KLHL1: variants seen among roughly 807,000 people sequenced by gnomAD.
KLHL1 encodes kelch like family member 1.
A neutral mutation model predicts 77.7 loss-of-function variants in KLHL1; 47 were observed. The ratio of observed to expected loss-of-function variants is 0.60; its 90% confidence interval spans 0.48 to 0.77. The LOEUF is 0.77. KLHL1 is among the 30% of genes least tolerant of loss of function. KLHL1 has a pLI of 0.00. For missense variants in KLHL1, 925 were observed against 910.8 expected (o/e 1.02, Z -0.20); for synonymous variants, 360 against 325.2 (o/e 1.11, Z -1.15).
intron 1 of KLHL1, among the ~76,000 whole-genome samples, chr13:70,055,986 T>C (rs1193727274): frequency 6.6e-6 from 1 of 151,766 alleles, no homozygotes; most frequent in Non-Finnish European, 1.5e-5. Flanking sequence ...ATAATAACAT[T>C]AAATATAAAT....
At position 69,735,421 on chromosome 13, in the gene KLHL1, C is replaced by CTTTTT. The variant is rs1452561172; in HGVS notation, c.1802+4972_1802+4973insAAAAA. ...ATATTAAGAAAACAGAAAAAGTTTCCTTACTAGTTTATTAAATGTTTATCT... is the reference window on the plus strand; with the variant it reads ...ATATTAAGAAAACAGAAAAAGTTTCCTTTTTTTACTAGTTTATTAAATGTTTATCT... On this transcript the variant is annotated intron_variant, in intron 8 of 10. Transcript: ENST00000377844. 6.6e-5 allele frequency among the ~76,000 whole-genome samples: 10 copies of CTTTTT among 150,580 alleles called. No homozygotes were observed. The East Asian group carries it at 2.0e-3, about 30-fold the overall frequency.
chr13:69,976,807 A>G (rs1294209110), intron 1 of KLHL1, among the ~76,000 whole-genome samples: 2 of 152,134 alleles, frequency 1.3e-5, no homozygotes, highest in Non-Finnish European at 2.9e-5. Context: ...TTTGCATTCA[A>G]TAGGCTCTAC....
chr13:69,965,812 A>C (rs1593631947), intron 2 of KLHL1, among the ~76,000 whole-genome samples: 1 of 152,182 alleles, frequency 6.6e-6, no homozygotes, highest in Non-Finnish European at 1.5e-5. Context: ...TGGTCTGGGC[A>C]GAAGATGAAA....
At chr13:69,903,163 A>T (rs914438542) in intron 4 of KLHL1, among the ~76,000 whole-genome samples, 1 of 152,168 alleles carries the variant, frequency 6.6e-6, no homozygotes, top group African/African-American at 2.4e-5. Context: ...CATGTACTCT[A>T]AGTTCTCAGA....
intron 1 of KLHL1, among the ~76,000 whole-genome samples, chr13:70,065,956 T>C (rs1886996901): frequency 6.6e-6 from 1 of 152,122 alleles, no homozygotes; most frequent in African/African-American, 2.4e-5. Context: ...GTGAGCTAAA[T>C]TTTGCATTCT....
intron 5 of KLHL1, among the ~76,000 whole-genome samples, chr13:69,840,504 G>A (rs774461342): frequency 1.3e-5 from 2 of 151,934 alleles, no homozygotes; most frequent in Non-Finnish European, 2.9e-5. Flanking sequence ...GATTACAGGT[G>A]TGAGCCACTG....
intron 1 of KLHL1, among the ~76,000 whole-genome samples, chr13:69,991,821 G>A (rs1317314350): frequency 6.6e-6 from 1 of 151,908 alleles, no homozygotes; most frequent in Non-Finnish European, 1.5e-5. Flanking sequence ...TCAAGTGAGA[G>A]CCAGAGATAA....
At chr13:69,968,920 A>T (rs932732495) in intron 2 of KLHL1, among the ~76,000 whole-genome samples, 2 of 152,318 alleles carry the variant, frequency 1.3e-5, no homozygotes, top group Admixed American at 6.5e-5. Context: ...ATATGTCAAA[A>T]GAATTATAGT....
At chr13:69,783,166 A>G (rs988274309) in intron 7 of KLHL1, among the ~76,000 whole-genome samples, 1 of 152,002 alleles carries the variant, frequency 6.6e-6, no homozygotes. Context: ...CACAACAAAA[A>G]CCCTTCTGTA....
rs1003730401 is a variant in KLHL1, at chr13:69,701,452, C to T, written c.*250G>A. 7 of 398,902 alleles carry T rather than the reference C, an allele frequency of 1.8e-5. No homozygotes were observed. Among genetic ancestry groups the T allele is most frequent in the African/African-American group, 1.5e-4 (7 of 47,104 alleles). 24.7% of individuals were successfully genotyped at this position (398,902 alleles called of 1,614,324 possible). On this transcript the variant is annotated 3_prime_UTR_variant, in exon 11 of 11. Coordinates refer to ENST00000377844, the MANE Select transcript of KLHL1 (RefSeq NM_020866.3). The stretch of plus-strand genomic sequence containing the variant: ...ACTCTAGTTATTGTATGCTATAATA[C>T]AAAACAAATTACCAATAACCATTCC...
chr13:70,052,149 T>A (rs1458123396), intron 1 of KLHL1, among the ~76,000 whole-genome samples: 3 of 151,850 alleles, frequency 2.0e-5, no homozygotes. Context: ...CAGCACAAAT[T>A]CTGATGCACA....
At chr13:69,874,700 T>C (rs1880703593) in intron 5 of KLHL1, among the ~76,000 whole-genome samples, 1 of 152,256 alleles carries the variant, frequency 6.6e-6, no homozygotes, top group African/African-American at 2.4e-5. Flanking sequence ...AAATGCTATG[T>C]ATAATATTCT....
rs576712119 is a variant in KLHL1, at chr13:69,829,781, T to C, written c.1414+9195A>G. Among the ~76,000 whole-genome samples the C allele has an allele frequency of 2.7e-5, 4 of 150,298 alleles. No individual in the cohort carries two copies. In the South Asian group the frequency reaches 8.3e-4, roughly 31 times the overall value. ...CAGAAACCCTACAAGCTAGAAACTA[T>C]TGGGGTCTTATCTTTAGCCTCCTTA... On this transcript the variant is annotated intron_variant, in intron 6 of 10. Coordinates refer to ENST00000377844, the MANE Select transcript of KLHL1 (RefSeq NM_020866.3).
chr13:70,101,585 C>G (rs547970396), intron 1 of KLHL1, among the ~76,000 whole-genome samples: 1 of 152,050 alleles, frequency 6.6e-6, no homozygotes, highest in Non-Finnish European at 1.5e-5. Context: ...CTTGCCACCA[C>G]GCTTGGCTAA....
chr13:70,028,826 A>T (rs1365650853), intron 1 of KLHL1, among the ~76,000 whole-genome samples: 2 of 152,020 alleles, frequency 1.3e-5, no homozygotes, highest in African/African-American at 4.8e-5. Flanking sequence ...AAAATACAAA[A>T]ATTAGCCAAG....
intron 2 of KLHL1, among the ~76,000 whole-genome samples, chr13:69,964,908 G>A (rs1336255369): frequency 1.3e-5 from 2 of 151,828 alleles, no homozygotes; most frequent in Non-Finnish European, 2.9e-5. Context: ...ACATTCTCCT[G>A]CATTTTCTGT....
At chr13:69,769,921 G>A (rs1474485940) in intron 7 of KLHL1, among the ~76,000 whole-genome samples, 21 of 152,148 alleles carry the variant, frequency 1.4e-4, no homozygotes, top group Non-Finnish European at 1.5e-5. Flanking sequence ...GCCAAGCTGT[G>A]GGCGGTGACA....
intron 7 of KLHL1, among the ~76,000 whole-genome samples, 195 bp downstream of exon 7, chr13:69,796,543 C>T (rs1877114021): frequency 6.6e-6 from 1 of 152,112 alleles, no homozygotes; most frequent in South Asian, 2.1e-4. Context: ...AACTTGGAAA[C>T]TTTCACTAAA....
intron 9 of KLHL1, among the ~76,000 whole-genome samples, chr13:69,718,244 C>G (rs1215273554): frequency 6.6e-6 from 1 of 152,120 alleles, no homozygotes; most frequent in East Asian, 1.9e-4. Context: ...AGTTGGGATA[C>G]TGCTCTCCCA....
Sources: allele counts gnomAD v4.1 joint callset (sites outside exome capture counted in the v4.1 genomes callset), GRCh38; gene constraint gnomAD v4.1.1; transcripts MANE v1.5; gene names NCBI Gene and HGNC (gene_info 2026-07-23, HGNC 2026-07-21).